The following KANK4 variants were observed in gnomAD, a reference collection of about 807,000 sequenced individuals.
KANK4 encodes KN motif and ankyrin repeat domains 4.
A neutral mutation model predicts 80.8 loss-of-function variants in KANK4; 50 were observed. The ratio of observed to expected loss-of-function variants is 0.62; its 90% CI spans 0.49 to 0.78. The LOEUF (loss-of-function observed/expected upper bound fraction) is 0.78. KANK4 is among the 30% of genes least tolerant of loss of function. KANK4 has a pLI of 0.00. For synonymous variants in KANK4, 465 were observed against 506.9 expected, an observed-to-expected ratio of 0.92 and a Z score of 1.11; for missense variants, 1,196 against 1,240.1, an observed-to-expected ratio of 0.96 and a Z score of 0.53.
intron 4 of KANK4, among the ~76,000 whole-genome samples, chr1:62,269,899 C>G (rs995359848): frequency 4.6e-5 from 7 of 152,120 alleles, no homozygotes; most frequent in Non-Finnish European, 5.9e-5. Flanking sequence ...TTTAGAATTC[C>G]CAGTATGTGG....
chr1:62,293,060 CTTTGTG>C (rs1040365899), intron 1 of KANK4, among the ~76,000 whole-genome samples: 1 of 131,532 alleles, frequency 7.6e-6, no homozygotes, highest in Non-Finnish European at 1.6e-5. Flanking sequence ...GTGTCTCAAT[CTTTGTG>C]TGTGTGTGTG....
At chr1:62,241,677 T>C (rs1414015211) in intron 9 of KANK4, among the ~76,000 whole-genome samples, 2 of 152,106 alleles carry the variant, frequency 1.3e-5, no homozygotes, top group African/African-American at 4.8e-5. Context: ...AGTGAATGGG[T>C]TCTTACATTG....
rs1049236128 is a variant in KANK4 at position 62,296,174 on chromosome 1, C to T, written c.-70-14540G>A. On this transcript the variant is annotated intron_variant, in intron 1 of 9. Coordinates refer to ENST00000371153, the MANE Select transcript of KANK4 (RefSeq NM_181712.5). ...CCAAACGGGAAGTGCATTCTTAGCACGAAGCAAAAGTCTTAAATTTTTTCT... is the reference window on the plus strand; with the variant it reads ...CCAAACGGGAAGTGCATTCTTAGCATGAAGCAAAAGTCTTAAATTTTTTCT... Among the ~76,000 whole-genome samples the T allele has an allele frequency of 2.6e-5, 4 of 152,300 alleles. No individual in the cohort carries two copies. In the South Asian group the frequency reaches 8.3e-4, roughly 32 times the overall value.
At chr1:62,243,318 C>T in intron 9 of KANK4, among the ~76,000 whole-genome samples, 1 of 150,978 alleles carries the variant, frequency 6.6e-6, no homozygotes, top group East Asian at 1.9e-4. Context: ...AATTGCAGCA[C>T]TATTGATATT....
intron 1 of KANK4, among the ~76,000 whole-genome samples, chr1:62,300,694 T>G (rs1313078920): frequency 6.6e-6 from 1 of 151,974 alleles, no homozygotes; most frequent in Admixed American, 6.5e-5. Flanking sequence ...TTTTCTAGAA[T>G]AGGAAACCAT....
rs1356270261 is a variant in KANK4, at chr1:62,274,676, GCAGCTTCCAACT to G, written c.416_427del (p.Gln139_Ala143delinsPro). On this transcript the variant is annotated inframe_deletion, in exon 3 of 10. Transcript: ENST00000371153. ...AGTGAGCTCGGCATCCTCTGGCTCA[GCAGCTTCCAACT>G]GTCTGGTGGCCTCTGCCAACAGAGC... 1.2e-6 allele frequency: 2 copies of G among 1,614,212 alleles called. No homozygotes were observed. The highest frequency in any genetic ancestry group is 2.7e-5 in the African/African-American group (2 of 75,058).
At chr1:62,273,020 A>G (rs1434291899) in intron 3 of KANK4, among the ~76,000 whole-genome samples, 184 bp downstream of exon 3, 4 of 151,946 alleles carry the variant, frequency 2.6e-5, no homozygotes, top group Admixed American at 6.5e-5. Context: ...TGAACTCCTG[A>G]TCTCAGGAGA....
chr1:62,284,380 G>T (rs1310714785), intron 1 of KANK4, among the ~76,000 whole-genome samples: 1 of 152,100 alleles, frequency 6.6e-6, no homozygotes, highest in East Asian at 1.9e-4. Flanking sequence ...CATTTCTTTT[G>T]ATCTCAGCTC....
In KANK4 at chr1:62,273,429, T is replaced by G. The variant is rs375200118; in HGVS notation, c.1675A>C (p.Thr559Pro). ...ATCTTCTTCACATACTGCCCAATAG[T>G]GGCATCCGTTGGCGAGCTTGGTGGC... ...GRPPSSPTDATIGQYVKKIQE... is the reference protein window; with the variant it reads ...GRPPSSPTDAPIGQYVKKIQE... Residue 559 changes from threonine to proline, a missense_variant, in exon 3 of 10, where the codon ACT becomes CCT. Physicochemically the swap from Thr to Pro is conservative, Grantham distance 38. Around this residue, in one of 3 missense-constraint regions of KANK4, gnomAD observed 1,154 missense variants for 1,179.6 expected, o/e 0.98. Coordinates refer to ENST00000371153, the MANE Select transcript of KANK4 (RefSeq NM_181712.5). 2 of 1,613,376 alleles carry G rather than the reference T, an allele frequency of 1.2e-6. No individual in the cohort carries two copies. The highest frequency in any genetic ancestry group is 2.7e-5 in the African/African-American group (2 of 74,932).
At position 62,273,357 on chromosome 1, in the gene KANK4, G is replaced by A; in HGVS notation, c.1747C>T (p.Pro583Ser). 6.2e-7 allele frequency: 1 copy of A among 1,608,032 alleles called. No homozygotes were observed. Among genetic ancestry groups the A allele is most frequent in the Non-Finnish European group, 8.5e-7 (1 of 1,175,434 alleles). The change falls in exon 3 of 10, where the codon CCG (proline) becomes TCG (serine). Residue 583 changes from proline to serine, a missense_variant. By Grantham distance (74) the Pro-to-Ser change is moderately conservative. This residue lies in a region of KANK4 where 1,154 missense variants were observed against 1,179.6 expected (regional missense o/e 0.98). Transcript: ENST00000371153. Reference sequence around the variant, plus strand: ...TGCTTGATGGCGCTGGCCAGCTCCGGGTACCCATGCTCCAGGCAGTTCCAC... The same window carrying A: ...TGCTTGATGGCGCTGGCCAGCTCCGAGTACCCATGCTCCAGGCAGTTCCAC... ...EQWNCLEHGY[P>S]ELASAIKQPA... is the part of the protein sequence containing the mutation.
intron 2 of KANK4, among the ~76,000 whole-genome samples, chr1:62,278,466 C>A (rs1672375633): frequency 6.6e-6 from 1 of 150,506 alleles, no homozygotes; most frequent in Non-Finnish European, 1.5e-5. Flanking sequence ...AATCTTGGCT[C>A]ATTGCAACCT....
intron 1 of KANK4, among the ~76,000 whole-genome samples, chr1:62,303,472 C>T (rs75954052): frequency 0.11 from 16,235 of 151,926 alleles, 999 homozygotes; most frequent in South Asian, 0.21. Flanking sequence ...ACCAGCCCCC[C>T]GACCCAAAGG....
At chr1:62,304,749 C>G (rs968152221) in intron 1 of KANK4, among the ~76,000 whole-genome samples, 1 of 151,854 alleles carries the variant, frequency 6.6e-6, no homozygotes, top group African/African-American at 2.4e-5. Context: ...AGATTCCTGC[C>G]AACAATTAAG....
intron 1 of KANK4, among the ~76,000 whole-genome samples, chr1:62,282,386 T>C (rs909984126): frequency 2.0e-5 from 3 of 152,144 alleles, no homozygotes; most frequent in Admixed American, 2.0e-4. Flanking sequence ...ACCCAGGAAA[T>C]TGGCTTTTTA....
intron 1 of KANK4, among the ~76,000 whole-genome samples, chr1:62,311,981 T>C (rs912714153): frequency 2.0e-5 from 3 of 152,210 alleles, no homozygotes; most frequent in African/African-American, 7.2e-5. Context: ...GCTTACTGAC[T>C]TCCTGTCGGG....
chr1:62,248,795 T>C (rs1172693142), intron 8 of KANK4, among the ~76,000 whole-genome samples: 1 of 148,014 alleles, frequency 6.8e-6, no homozygotes, highest in Non-Finnish European at 1.5e-5. Flanking sequence ...TCCGCCTGCC[T>C]TGGCCTCCCA....
chr1:62,290,481 A>G (rs1672655521), intron 1 of KANK4, among the ~76,000 whole-genome samples: 1 of 152,226 alleles, frequency 6.6e-6, no homozygotes, highest in South Asian at 2.1e-4. Context: ...AGCACAGCTC[A>G]GTACACCGTG....
rs150127685 is a variant in KANK4 at position 62,246,038 on chromosome 1, T to C, written c.2883+1434A>G. Among the ~76,000 whole-genome samples, 9 of 152,222 alleles carry C rather than the reference T, an allele frequency of 5.9e-5. No homozygotes were observed. In the South Asian group the frequency reaches 6.2e-4, roughly 11 times the overall value. On this transcript the variant is annotated intron_variant, in intron 9 of 9. Transcript: ENST00000371153. ...AATCTTGGGTATGTAACCTAACCATTTGATGCCTCCGTCTCCTTGAGCAAA... is the reference window on the plus strand; with the variant it reads ...AATCTTGGGTATGTAACCTAACCATCTGATGCCTCCGTCTCCTTGAGCAAA...
At chr1:62,239,690 G>A (rs907348714) in intron 9 of KANK4, among the ~76,000 whole-genome samples, 3 of 152,072 alleles carry the variant, frequency 2.0e-5, no homozygotes, top group African/African-American at 7.2e-5. Context: ...ACAGGCCCTG[G>A]TGTGTGATGT....
Sources: allele counts gnomAD v4.1 joint callset (sites outside exome capture counted in the v4.1 genomes callset), GRCh38; gene constraint gnomAD v4.1.1; regional missense constraint gnomAD v4.1.1; transcripts MANE v1.5; gene names NCBI Gene and HGNC (gene_info 2026-07-23, HGNC 2026-07-21).